Variants in ZNF438 observed in about 807,000 individuals in gnomAD.
ZNF438 encodes the protein zinc finger protein 438.
In ZNF438, 25 loss-of-function variants were observed where a neutral mutation model predicts 38.0. The ratio of observed to expected loss-of-function variants is 0.66; its 90% CI spans 0.48 to 0.92. The LOEUF is 0.92. Among genes scored for constraint, ZNF438 ranks in the 40% least tolerant of loss-of-function variants. The pLI, the probability that ZNF438 is intolerant of heterozygous loss-of-function variation, is 0.00. For synonymous variants in ZNF438, 372 were observed against 364.1 expected (o/e 1.02, Z -0.25); for missense variants, 1,007 against 999.6 (o/e 1.01, Z -0.10).
intron 1 of ZNF438, among the ~76,000 whole-genome samples, chr10:30,966,585 G>A (rs1054174498): frequency 4.1e-4 from 62 of 150,770 alleles, no homozygotes; most frequent in African/African-American, 1.4e-3. Flanking sequence ...CAGCAGAATC[G>A]CTTGAACCTG....
At position 30,966,404 on chromosome 10, in the gene ZNF438, C is replaced by T. The variant is rs937294313; in HGVS notation, c.-191-24753G>A. Reference sequence around the variant, plus strand: ...AGAATCAAGGGGCCGGGCGTGGTGGCTCATGCTTGTAATCCCAGCACTTTA... The same window carrying T: ...AGAATCAAGGGGCCGGGCGTGGTGGTTCATGCTTGTAATCCCAGCACTTTA... On this transcript the variant is annotated intron_variant, in intron 1 of 5. Transcript: ENST00000413025. Among the ~76,000 whole-genome samples the T allele has an allele frequency of 7.2e-5, 11 of 152,134 alleles. No individual in the cohort carries two copies. The East Asian group carries it at 2.1e-3, about 29-fold the overall frequency.
chr10:30,848,462 T>C (rs1322331661), intron 5 of ZNF438, 69 bp downstream of exon 6: 3 of 1,520,918 alleles, frequency 2.0e-6, no homozygotes, highest in Non-Finnish European at 2.6e-6. Flanking sequence ...TTTCTGAATA[T>C]GAAATCTTCC....
intron 3 of ZNF438, among the ~76,000 whole-genome samples, chr10:30,890,534 C>T (rs2040551956): frequency 1.3e-5 from 2 of 152,188 alleles, no homozygotes; most frequent in African/African-American, 4.8e-5. Context: ...ATTGTCTTTG[C>T]TCTATGGGCA....
chr10:30,992,870 G>A (rs754782941), intron 1 of ZNF438, among the ~76,000 whole-genome samples: 1 of 152,206 alleles, frequency 6.6e-6, no homozygotes, highest in African/African-American at 2.4e-5. Context: ...AGCCTGACAC[G>A]CCTCAAGGCT....
At chr10:31,007,430 C>T (rs1329097545) in intron 1 of ZNF438, among the ~76,000 whole-genome samples, 5 of 151,824 alleles carry the variant, frequency 3.3e-5, no homozygotes, top group South Asian at 2.1e-4. Flanking sequence ...TACAGGTGCA[C>T]GCCACCATGC....
intron 1 of ZNF438, among the ~76,000 whole-genome samples, chr10:31,030,441 C>A (rs1391530391): frequency 6.6e-6 from 1 of 152,176 alleles, no homozygotes; most frequent in Non-Finnish European, 1.5e-5. Context: ...GGGACCAATG[C>A]GAATCTCCTA....
intron 2 of ZNF438, among the ~76,000 whole-genome samples, chr10:30,928,600 CA>C (rs1301240298): frequency 1.3e-5 from 2 of 149,896 alleles, no homozygotes; most frequent in Non-Finnish European, 3.0e-5. Flanking sequence ...ACCCTGCTAT[CA>C]ATTTGAGTAC....
At chr10:30,911,023 T>C (rs567374021) in intron 2 of ZNF438, among the ~76,000 whole-genome samples, 7 of 152,304 alleles carry the variant, frequency 4.6e-5, no homozygotes, top group Non-Finnish European at 5.9e-5. Flanking sequence ...GTTTCGTTTA[T>C]GATTCACACT....
intron 1 of ZNF438, among the ~76,000 whole-genome samples, chr10:31,000,517 C>A (rs975950371): frequency 2.0e-5 from 3 of 152,204 alleles, no homozygotes; most frequent in African/African-American, 7.2e-5. Flanking sequence ...ATATTCCCTC[C>A]CATCCATTTC....
chr10:30,965,843 A>G (rs764513862), intron 1 of ZNF438, among the ~76,000 whole-genome samples: 2 of 152,214 alleles, frequency 1.3e-5, no homozygotes, highest in Non-Finnish European at 2.9e-5. Context: ...AGGATCATCC[A>G]TAACCCAAAC....
At chr10:31,029,737 G>A (rs1469460444) in intron 1 of ZNF438, among the ~76,000 whole-genome samples, 1 of 152,192 alleles carries the variant, frequency 6.6e-6, no homozygotes, top group African/African-American at 2.4e-5. Flanking sequence ...ATCACAGTTA[G>A]AACAACATCT....
intron 1 of ZNF438, among the ~76,000 whole-genome samples, chr10:30,954,281 A>C (rs909608934): frequency 6.6e-6 from 1 of 152,220 alleles, no homozygotes; most frequent in Non-Finnish European, 1.5e-5. Flanking sequence ...TTTCATTTTC[A>C]AGTAGAAGTT....
intron 1 of ZNF438, among the ~76,000 whole-genome samples, chr10:30,991,001 T>G (rs1037092643): frequency 1.3e-5 from 2 of 152,168 alleles, no homozygotes; most frequent in Non-Finnish European, 2.9e-5. Flanking sequence ...GGAAATTGTT[T>G]GAAGAGTATA....
intron 1 of ZNF438, among the ~76,000 whole-genome samples, chr10:30,944,352 C>T (rs1254336178): frequency 6.6e-6 from 1 of 152,174 alleles, no homozygotes; most frequent in East Asian, 1.9e-4. Flanking sequence ...TCTCTATAAA[C>T]AAAACTGACA....
intron 1 of ZNF438, among the ~76,000 whole-genome samples, chr10:31,017,302 T>C (rs897232002): frequency 6.6e-6 from 1 of 152,232 alleles, no homozygotes; most frequent in African/African-American, 2.4e-5. Context: ...GGAAGATTTT[T>C]TCTTTTCCAT....
intron 2 of ZNF438, among the ~76,000 whole-genome samples, chr10:30,939,821 C>G (rs1314056400): frequency 6.6e-6 from 1 of 152,218 alleles, no homozygotes; most frequent in Non-Finnish European, 1.5e-5. Context: ...CTCCACAAAA[C>G]AGCATTGTAC....
intron 3 of ZNF438, among the ~76,000 whole-genome samples, chr10:30,883,463 C>CA (rs1204168182): frequency 6.6e-6 from 1 of 151,866 alleles, no homozygotes; most frequent in Non-Finnish European, 1.5e-5. Flanking sequence ...TTAAAATACA[C>CA]AAAAAATGTA....
chr10:30,937,646 T>C (rs1338760212), intron 2 of ZNF438, among the ~76,000 whole-genome samples: 1 of 152,070 alleles, frequency 6.6e-6, no homozygotes, highest in African/African-American at 2.4e-5. Context: ...TTAATGAGGG[T>C]GAAACTGTAT....
intron 2 of ZNF438, among the ~76,000 whole-genome samples, chr10:30,937,803 C>G (rs1044500765): frequency 3.9e-5 from 6 of 152,196 alleles, no homozygotes; most frequent in African/African-American, 1.2e-4. Flanking sequence ...CTTCCATTCA[C>G]ATGTAGCTGA....
Sources: gnomAD v4.1 joint callset for allele counts (sites outside exome capture counted in the v4.1 genomes callset) on GRCh38, gnomAD v4.1.1 for gene constraint, MANE v1.5 for transcripts, NCBI Gene and HGNC (gene_info 2026-07-23, HGNC 2026-07-21) for gene names.